Variants in PACRG observed in about 807,000 individuals in gnomAD.
PACRG encodes the protein parkin coregulated, also known as parkin coregulated gene protein.
PACRG carries 29 observed loss-of-function variants against 29.7 expected under a neutral mutation model. That is an observed-to-expected ratio of 0.98 (90% CI 0.73 to 1.33). The LOEUF is 1.33. Ranked by LOEUF, PACRG falls within the 40% of genes most tolerant of loss-of-function variation. The probability of loss-of-function intolerance (pLI) is 0.00; values close to 1 mark genes in which losing one functional copy is unlikely to be tolerated. For missense variants in PACRG, 279 were observed against 316.2 expected (o/e 0.88, Z 0.89); for synonymous variants, 116 against 118.7 (o/e 0.98, Z 0.15).
chr6:162,833,013 G>C (rs1265653477), intron 2 of PACRG, among the ~76,000 whole-genome samples: 1 of 151,994 alleles, frequency 6.6e-6, no homozygotes, highest in Non-Finnish European at 1.5e-5. Context: ...TGAAAGGAGT[G>C]ATGCCATCTC....
chr6:163,262,877 C>A (rs12212300), intron 4 of PACRG, among the ~76,000 whole-genome samples: 9 of 143,236 alleles, frequency 6.3e-5, no homozygotes, highest in South Asian at 2.4e-4. Flanking sequence ...CCCCCCCCCC[C>A]ATGTCAACTA....
intron 3 of PACRG, among the ~76,000 whole-genome samples, chr6:163,070,128 A>T (rs1326906696): frequency 6.6e-6 from 1 of 152,170 alleles, no homozygotes; most frequent in African/African-American, 2.4e-5. Flanking sequence ...GAGGGATTTC[A>T]TCAACACAAG....
At chr6:162,789,620 G>T (rs1425878987) in intron 1 of PACRG, among the ~76,000 whole-genome samples, 1 of 152,030 alleles carries the variant, frequency 6.6e-6, no homozygotes, top group Non-Finnish European at 1.5e-5. Context: ...TTAGCTATTT[G>T]AGATTAAATA....
At chr6:162,816,824 C>A (rs1014121371) in intron 2 of PACRG, among the ~76,000 whole-genome samples, 1 of 152,076 alleles carries the variant, frequency 6.6e-6, no homozygotes, top group Non-Finnish European at 1.5e-5. Context: ...CAGGGCGATC[C>A]GTCCCCCACA....
intron 4 of PACRG, among the ~76,000 whole-genome samples, chr6:163,218,416 G>A (rs1413687452): frequency 2.0e-5 from 3 of 152,090 alleles, no homozygotes; most frequent in Non-Finnish European, 4.4e-5. Context: ...ATCCCCTTAT[G>A]GGTATTGCCT....
At chr6:163,229,896 C>T (rs2128162913) in intron 4 of PACRG, among the ~76,000 whole-genome samples, 1 of 152,316 alleles carries the variant, frequency 6.6e-6, no homozygotes, top group African/African-American at 2.4e-5. Context: ...CACAGAGTCC[C>T]ACTAACCTCC....
At chr6:162,814,423 G>C in intron 2 of PACRG, 142 bp downstream of exon 2, 1 of 1,041,278 alleles carries the variant, frequency 9.6e-7, no homozygotes, top group Non-Finnish European at 1.4e-6. Context: ...CTTAGAGAAA[G>C]CCCCCCTGTG....
At chr6:163,312,865 A>G in intron 4 of PACRG, 1 of 387,936 alleles carries the variant, frequency 2.6e-6, no homozygotes. Context: ...TGATCCTCCC[A>G]CCTCAGCCTC....
chr6:162,795,157 G>T (rs1309739620), intron 1 of PACRG, among the ~76,000 whole-genome samples: 1 of 151,824 alleles, frequency 6.6e-6, no homozygotes, highest in Non-Finnish European at 1.5e-5. Context: ...GAATTTGCCT[G>T]ATATGTTCAA....
chr6:163,313,113 C>CATATAT (rs570601263), intron 4 of PACRG, among the ~76,000 whole-genome samples: 1 of 149,588 alleles, frequency 6.7e-6, no homozygotes, highest in African/African-American at 2.5e-5. Flanking sequence ...TATATATATA[C>CATATAT]ATATATATAT....
At chr6:162,982,569 A>T (rs1313120228) in intron 2 of PACRG, among the ~76,000 whole-genome samples, 1 of 152,046 alleles carries the variant, frequency 6.6e-6, no homozygotes, top group Non-Finnish European at 1.5e-5. Flanking sequence ...CCCAAAGATC[A>T]TTCAGGAGCA....
chr6:163,313,567 A>G (rs531641217), intron 4 of PACRG, among the ~76,000 whole-genome samples: 1 of 152,352 alleles, frequency 6.6e-6, no homozygotes, highest in East Asian at 1.9e-4. Context: ...GGTTGGAAAC[A>G]CCATTTTTCC....
chr6:162,807,998 A>C (rs1032081467), intron 1 of PACRG, among the ~76,000 whole-genome samples: 6 of 152,200 alleles, frequency 3.9e-5, no homozygotes, highest in Non-Finnish European at 8.8e-5. Flanking sequence ...TGGTATTATG[A>C]GCTCATTTTT....
chr6:163,248,726 T>C lies in PACRG; in HGVS notation c.614-66101T>C, dbSNP rs149234464. ...TTGAGTAAGCAATGACATGTGCTTC[T>C]TTCTAGAAAAAGGGCATGACCCTCT... On this transcript the variant is annotated intron_variant, in intron 4 of 4. Coordinates refer to ENST00000366888, the MANE Select transcript of PACRG (RefSeq NM_001080379.2). Among the ~76,000 whole-genome samples the C allele has an allele frequency of 1.5e-4, 23 of 152,286 alleles. No homozygotes were observed. The East Asian group carries it at 4.3e-3, about 28-fold the overall frequency.
At chr6:162,958,094 CTT>C in intron 2 of PACRG, among the ~76,000 whole-genome samples, 1 of 152,108 alleles carries the variant, frequency 6.6e-6, no homozygotes, top group East Asian at 1.9e-4. Context: ...CCTAGCCATC[CTT>C]CAGAACTTTA....
At chr6:163,149,052 G>A (rs1585267673) in intron 4 of PACRG, among the ~76,000 whole-genome samples, 1 of 147,982 alleles carries the variant, frequency 6.8e-6, no homozygotes, top group South Asian at 2.1e-4. Flanking sequence ...ACTGTCGACT[G>A]GCTCTGTTAG....
At chr6:163,265,424 G>A (rs1322779199) in intron 4 of PACRG, among the ~76,000 whole-genome samples, 3 of 152,280 alleles carry the variant, frequency 2.0e-5, no homozygotes, top group Non-Finnish European at 2.9e-5. Flanking sequence ...CTTCGGGCCC[G>A]TGGGTATTTG....
intron 4 of PACRG, chr6:163,170,311 C>A (rs1779012059): frequency 2.0e-5 from 3 of 152,262 alleles, no homozygotes; most frequent in African/African-American, 7.2e-5. Flanking sequence ...GTTGTTCTCA[C>A]CCTGTAAAAT....
intron 4 of PACRG, chr6:163,179,178 A>C (rs1363365994): frequency 2.2e-6 from 1 of 455,934 alleles, no homozygotes; most frequent in Admixed American, 2.3e-5. Flanking sequence ...GCTCACACTG[A>C]TGTCCGCTGC....
Sources: gnomAD v4.1 joint callset for allele counts (sites outside exome capture counted in the v4.1 genomes callset) on GRCh38, gnomAD v4.1.1 for gene constraint, MANE v1.5 for transcripts, NCBI Gene and HGNC (gene_info 2026-07-23, HGNC 2026-07-21) for gene names.